The following POT1 variants were observed in gnomAD, a reference collection of about 807,000 sequenced individuals.
POT1 encodes protection of telomeres protein 1.
In POT1, 47 loss-of-function variants were observed where a neutral mutation model predicts 78.5. The observed-to-expected ratio is 0.60, with a 90% CI of 0.47 to 0.76. POT1 has a LOEUF of 0.76. Among genes scored for constraint, POT1 ranks in the 30% least tolerant of loss-of-function variants. The probability of loss-of-function intolerance (pLI) is 0.00; values close to 1 mark genes in which losing one functional copy is unlikely to be tolerated. For synonymous variants in POT1, 259 were observed against 260.7 expected, an observed-to-expected ratio of 0.99 and a Z score of 0.06; for missense variants, 646 against 749.9, an observed-to-expected ratio of 0.86 and a Z score of 1.62.
intron 3 of POT1, among the ~76,000 whole-genome samples, chr7:124,908,423 C>T (rs1328438245): frequency 1.3e-5 from 2 of 152,090 alleles, no homozygotes; most frequent in East Asian, 1.9e-4. Context: ...TTGACCCCTA[C>T]CCACCTCATC....
chr7:124,852,015 T>C (rs1235668141), intron 10 of POT1, 64 bp from the exon 11 acceptor site: 1 of 1,113,534 alleles, frequency 9.0e-7, no homozygotes, highest in Non-Finnish European at 1.3e-6. Flanking sequence ...AATTTAGCTC[T>C]ACCCACAAAA....
intron 7 of POT1, among the ~76,000 whole-genome samples, chr7:124,869,238 T>C (rs1044945436): frequency 3.9e-5 from 6 of 152,178 alleles, no homozygotes; most frequent in Non-Finnish European, 4.4e-5. Context: ...AGTGTACCCA[T>C]GTAGTTCAAA....
intron 6 of POT1, among the ~76,000 whole-genome samples, chr7:124,879,539 T>C (rs1796069762): frequency 6.6e-6 from 1 of 152,148 alleles, no homozygotes; most frequent in Non-Finnish European, 1.5e-5. Flanking sequence ...TTTTCTTTAG[T>C]TTTTGTTTTG....
At chr7:124,826,029 T>G (rs961560156) in intron 17 of POT1, among the ~76,000 whole-genome samples, 1 of 152,166 alleles carries the variant, frequency 6.6e-6, no homozygotes, top group African/African-American at 2.4e-5. Flanking sequence ...TATTTTTGCC[T>G]GGAAGCCCTG....
At position 124,827,362 on chromosome 7, in the gene POT1, T is replaced by C. The variant is rs528024348; in HGVS notation, c.1595-57A>G. On this transcript the variant is annotated intron_variant, in intron 16 of 18. Transcript: ENST00000357628. ...AGTCTGCTATTCCTTATTATCAAGG[T>C]AAAGTTAAAATTGTTTTATGATAGT... The C allele has an allele frequency of 4.5e-5, 46 of 1,024,638 alleles. No individual in the cohort carries two copies. The Admixed American group carries it at 7.6e-4, about 17-fold the overall frequency. The allele number at this position is 1,024,638 out of a possible 1,614,324, so 63.5% of individuals were successfully genotyped here.
At chr7:124,865,998 C>A (rs1795714540) in intron 7 of POT1, among the ~76,000 whole-genome samples, 1 of 151,988 alleles carries the variant, frequency 6.6e-6, no homozygotes, top group Non-Finnish European at 1.5e-5. Flanking sequence ...CTTTACTAGA[C>A]ATCATAGATG....
At chr7:124,926,417 T>TA (rs1797275285) in intron 2 of POT1, among the ~76,000 whole-genome samples, 2 of 152,040 alleles carry the variant, frequency 1.3e-5, no homozygotes, top group African/African-American at 2.4e-5. Context: ...GAATGGGTAT[T>TA]AAAAAGACAA....
At chr7:124,852,350 AG>A (rs1302453620) in intron 10 of POT1, among the ~76,000 whole-genome samples, 2 of 152,172 alleles carry the variant, frequency 1.3e-5, no homozygotes, top group Non-Finnish European at 2.9e-5. Flanking sequence ...TGTAGACAAA[AG>A]TTATTTAAAT....
chr7:124,866,964 T>G (rs1209439072), intron 7 of POT1, among the ~76,000 whole-genome samples: 1 of 152,184 alleles, frequency 6.6e-6, no homozygotes, highest in Admixed American at 6.5e-5. Context: ...TCTTTTATAC[T>G]CCAATGTCTG....
intron 15 of POT1, among the ~76,000 whole-genome samples, chr7:124,830,356 C>T (rs770110626): frequency 1.3e-5 from 2 of 151,932 alleles, no homozygotes; most frequent in South Asian, 2.1e-4. Flanking sequence ...AATAAAAGTT[C>T]GAAAGGTCCA....
At chr7:124,834,719 T>C (rs1794849011) in intron 15 of POT1, among the ~76,000 whole-genome samples, 1 of 152,210 alleles carries the variant, frequency 6.6e-6, no homozygotes, top group African/African-American at 2.4e-5. Context: ...AGAAATACCA[T>C]TTGATCCAGC....
At chr7:124,877,327 C>T (rs181792687) in intron 6 of POT1, among the ~76,000 whole-genome samples, 3 of 152,228 alleles carry the variant, frequency 2.0e-5, no homozygotes, top group Non-Finnish European at 4.4e-5. Flanking sequence ...AGAACATTTC[C>T]AGATTTTGGC....
At chr7:124,905,288 G>C (rs941103285) in intron 3 of POT1, among the ~76,000 whole-genome samples, 30 of 152,118 alleles carry the variant, frequency 2.0e-4, no homozygotes, top group African/African-American at 7.2e-4. Flanking sequence ...CAGAGATATA[G>C]ACCAATGGAA....
chr7:124,840,280 GA>G (rs1562980398), intron 14 of POT1, among the ~76,000 whole-genome samples: 1 of 151,328 alleles, frequency 6.6e-6, no homozygotes, highest in African/African-American at 2.4e-5. Flanking sequence ...TTCAAGGGAA[GA>G]AAAGCCTTCA....
chr7:124,836,411 A>T (rs1584754108), intron 14 of POT1, among the ~76,000 whole-genome samples: 1 of 152,174 alleles, frequency 6.6e-6, no homozygotes, highest in East Asian at 1.9e-4. Flanking sequence ...CTCATTATGC[A>T]TGCTTAAAAA....
chr7:124,847,559 C>A (rs568724594), intron 11 of POT1, among the ~76,000 whole-genome samples: 5 of 152,298 alleles, frequency 3.3e-5, no homozygotes, highest in Middle Eastern at 3.4e-3. Flanking sequence ...GATGCTATCA[C>A]TTATGTGGAA....
chr7:124,835,889 T>G (rs1794890208), intron 14 of POT1, among the ~76,000 whole-genome samples: 1 of 152,208 alleles, frequency 6.6e-6, no homozygotes, highest in South Asian at 2.1e-4. Context: ...TGTTCATTTT[T>G]CCTGGGAAAA....
At position 124,896,013 on chromosome 7, in the gene POT1, A is replaced by G. The variant is rs115065165; in HGVS notation, c.9+1152T>C. 5.1e-3 allele frequency among the ~76,000 whole-genome samples: 771 copies of G among 151,738 alleles called. 9 individuals carry two copies. Among genetic ancestry groups the G allele is most frequent in the African/African-American group, 0.017 (708 of 41,506 alleles). ...TCTACCACTGAAAAACAAATACTCTATTTTCTAAATTCTAAAAACACCCTG... is the reference window on the plus strand; with the variant it reads ...TCTACCACTGAAAAACAAATACTCTGTTTTCTAAATTCTAAAAACACCCTG... On this transcript the variant is annotated intron_variant, in intron 5 of 18. Transcript: ENST00000357628.
At chr7:124,831,843 T>C (rs1352550653) in intron 15 of POT1, among the ~76,000 whole-genome samples, 2 of 152,086 alleles carry the variant, frequency 1.3e-5, no homozygotes, top group African/African-American at 4.8e-5. Flanking sequence ...TATGCCATAC[T>C]GCTTAAGAGT....
Sources: gnomAD v4.1 joint callset for allele counts (sites outside exome capture counted in the v4.1 genomes callset) on GRCh38, gnomAD v4.1.1 for gene constraint, MANE v1.5 for transcripts, NCBI Gene and HGNC (gene_info 2026-07-23, HGNC 2026-07-21) for gene names.